PHGDH: variants seen among roughly 807,000 people sequenced by gnomAD.
PHGDH encodes the protein phosphoglycerate dehydrogenase.
PHGDH carries 50 observed loss-of-function variants against 52.6 expected under a neutral mutation model. That is an observed-to-expected ratio of 0.95 (90% CI 0.76 to 1.20). The LOEUF is 1.20. Among genes scored for constraint, PHGDH ranks in the 50% most tolerant of loss-of-function variants. PHGDH has a pLI of 0.00. For missense variants in PHGDH, 630 were observed against 684.6 expected (o/e 0.92, Z 0.89); for synonymous variants, 271 against 280.5 (o/e 0.97, Z 0.34).
At chr1:119,743,830 C>G in intron 11 of PHGDH, 56 bp from the exon 12 acceptor site, 1 of 1,353,436 alleles carries the variant, frequency 7.4e-7, no homozygotes, top group Non-Finnish European at 1.1e-6. Flanking sequence ...GCTCCCAATC[C>G]CTCGCTCCTT....
chr1:119,735,695 CG>C, intron 7 of PHGDH, among the ~76,000 whole-genome samples: 1 of 152,154 alleles, frequency 6.6e-6, no homozygotes, highest in Non-Finnish European at 1.5e-5. Flanking sequence ...TTCCTGGTTC[CG>C]GGCTTCTCAG....
At chr1:119,712,284 G>C in intron 1 of PHGDH, 124 bp downstream of exon 1, 2 of 793,704 alleles carry the variant, frequency 2.5e-6, no homozygotes, top group Non-Finnish European at 4.2e-6. Flanking sequence ...GGCCTCCTGA[G>C]ATTGGGGGGT....
chr1:119,734,581 C>T, intron 5 of PHGDH, 53 bp from the exon 6 acceptor site: 1 of 1,552,776 alleles, frequency 6.4e-7, no homozygotes, highest in South Asian at 1.1e-5. Flanking sequence ...TTAATAATAA[C>T]AATACTAATA....
Position 119,712,096 on chromosome 1 carries a change from A to G in PHGDH, c.74A>G (p.Asp25Gly). ...LDPCCRKILQDGGLQVVEKQN... is the reference protein window; with the variant it reads ...LDPCCRKILQGGGLQVVEKQN... ...CCTTGCTGCCGGAAGATCTTGCAAG[A>G]TGGAGGGCTGCAGGTGGTGGAAAAG... The change falls in exon 1 of 12, where the codon GAT (aspartate) becomes GGT (glycine). Residue 25 changes from aspartate (D) to glycine (G), a missense_variant. Coordinates refer to ENST00000641023, the MANE Select transcript of PHGDH (RefSeq NM_006623.4). 2 of 1,614,128 alleles carry G rather than the reference A, an allele frequency of 1.2e-6. No homozygotes were observed. Among genetic ancestry groups the G allele is most frequent in the African/African-American group, 1.3e-5 (1 of 75,068 alleles).
intron 10 of PHGDH, 34 bp from the exon 11 acceptor site, chr1:119,742,773 G>A: frequency 1.5e-6 from 2 of 1,315,772 alleles, no homozygotes; most frequent in Non-Finnish European, 1.1e-6. Flanking sequence ...GTGCAGCCAG[G>A]AGGTGTAACA....
chr1:119,739,648 C>T (rs1652098260), intron 8 of PHGDH: 6 of 152,144 alleles, frequency 3.9e-5, no homozygotes, highest in Admixed American at 3.9e-4. Flanking sequence ...AGATGGTTGA[C>T]TTTACAAGTT....
chr1:119,714,485 G>C (rs1273864632), intron 1 of PHGDH: 1 of 152,220 alleles, frequency 6.6e-6, no homozygotes, highest in African/African-American at 2.4e-5. Context: ...TAGATAGTAA[G>C]GTTGTAAGTA....
At chr1:119,735,055 A>G (rs1651871082) in intron 6 of PHGDH, 7 of 637,172 alleles carry the variant, frequency 1.1e-5, no homozygotes, top group South Asian at 3.8e-5. Flanking sequence ...CCCACTTGAA[A>G]CAGTAATATC....
At chr1:119,728,224 T>C (rs1651533781) in intron 5 of PHGDH, among the ~76,000 whole-genome samples, 1 of 152,188 alleles carries the variant, frequency 6.6e-6, no homozygotes, top group South Asian at 2.1e-4. Context: ...TCACCAAGGT[T>C]GCTGCACTTC....
chr1:119,737,343 G>A, intron 8 of PHGDH, 77 bp downstream of exon 8: 2 of 1,265,946 alleles, frequency 1.6e-6, no homozygotes, highest in South Asian at 2.6e-5. Flanking sequence ...AGGGGCTGGT[G>A]GCAGCGTGGG....
Position 119,735,287 on chromosome 1 carries a change from T to C in PHGDH, c.644-8T>C. 1 of 1,614,210 alleles carries C rather than the reference T, an allele frequency of 6.2e-7. No homozygotes were observed. The highest frequency in any genetic ancestry group is 8.5e-7 in the Non-Finnish European group (1 of 1,180,034). On this transcript the variant is annotated splice_polypyrimidine_tract_variant and splice_region_variant and intron_variant, in intron 6 of 11. Transcript: ENST00000641023. ...GCCCCAGCAGGAAGATGCTTCGCTT[T>C]CTTCCAGGCTTGCTGAATGACAACA...
Position 119,740,792 on chromosome 1 carries a change from CGA to C in PHGDH, c.1078+284_1078+285del, listed in dbSNP as rs377756891. 5.3e-5 allele frequency among the ~76,000 whole-genome samples: 8 copies of C among 152,080 alleles called. No individual in the cohort carries two copies. The South Asian group carries it at 6.2e-4, about 12-fold the overall frequency. ...ATTTTGGGTGCAAGAGAAACCTCTA[CGA>C]GAGAGAGAGTTTCATGCGAGAGGTC... is the stretch of plus-strand genomic sequence containing the variant. On this transcript the variant is annotated intron_variant, in intron 9 of 11. Transcript: ENST00000641023.
chr1:119,742,261 T>C (rs1652243198), intron 10 of PHGDH: 1 of 377,788 alleles, frequency 2.6e-6, no homozygotes, highest in Admixed American at 3.9e-5. Context: ...ACCCGGGTTC[T>C]TGATTCACTT....
chr1:119,724,807 C>A (rs941769168), intron 3 of PHGDH: 1 of 456,446 alleles, frequency 2.2e-6, no homozygotes, highest in African/African-American at 2.0e-5. Context: ...TTAAAGGAAT[C>A]GGTGAAATGC....
At position 119,735,544 on chromosome 1, in the gene PHGDH, T is replaced by G. The variant is rs1571010928; in HGVS notation, c.792+101T>G. 3 of 1,194,266 alleles carry G rather than the reference T, an allele frequency of 2.5e-6. No individual in the cohort carries two copies. The East Asian group carries it at 7.4e-5, about 29-fold the overall frequency. The allele number at this position is 1,194,266 out of a possible 1,614,324, so 74.0% of individuals were successfully genotyped here. ...GGCGTTTTACAGAAAGCCTCTAGCT[T>G]ATTGTCTCTTTCATCCATGGTAAAA... is the stretch of plus-strand genomic sequence containing the variant. On this transcript the variant is annotated intron_variant, in intron 7 of 11. Coordinates refer to ENST00000641023, the MANE Select transcript of PHGDH (RefSeq NM_006623.4).
In PHGDH at chr1:119,738,513, T is replaced by A. The variant is rs587750024; in HGVS notation, c.945+1247T>A. Among the ~76,000 whole-genome samples, 275 of 152,316 alleles carry A rather than the reference T, an allele frequency of 1.8e-3. 1 individual carries two copies. Among genetic ancestry groups the A allele is most frequent in the African/African-American group, 6.2e-3 (259 of 41,566 alleles). On this transcript the variant is annotated intron_variant, in intron 8 of 11. Coordinates refer to ENST00000641023, the MANE Select transcript of PHGDH (RefSeq NM_006623.4). ...TGGGCTCCTCAGGGCAGAGCACACT[T>A]CACTCATCTTGCACCTGGTCGGCCT...
At chr1:119,737,410 C>A (rs1252795257) in intron 8 of PHGDH, 144 bp downstream of exon 8, 5 of 733,420 alleles carry the variant, frequency 6.8e-6, no homozygotes, top group Non-Finnish European at 8.9e-6. Flanking sequence ...AGTCAGCACT[C>A]TCCGGAGCAG....
intron 8 of PHGDH, 101 bp from the exon 9 acceptor site, chr1:119,740,285 A>G: frequency 1.6e-6 from 2 of 1,264,512 alleles, no homozygotes; most frequent in East Asian, 2.4e-5. Flanking sequence ...GAGTGACCCT[A>G]TACTGTCTTT....
At chr1:119,732,536 C>T (rs150592746) in intron 5 of PHGDH, among the ~76,000 whole-genome samples, 1 of 152,318 alleles carries the variant, frequency 6.6e-6, no homozygotes, top group Non-Finnish European at 1.5e-5. Flanking sequence ...TCCATCCCCT[C>T]AGTGTTGTCT....
Sources: gnomAD v4.1 joint callset for allele counts (sites outside exome capture counted in the v4.1 genomes callset) on GRCh38, gnomAD v4.1.1 for gene constraint, MANE v1.5 for transcripts, NCBI Gene and HGNC (gene_info 2026-07-23, HGNC 2026-07-21) for gene names.